ATRNL1: variants seen among roughly 807,000 people sequenced by gnomAD.
The protein encoded by ATRNL1 is attractin like 1.
ATRNL1 carries 95 observed loss-of-function variants against 182.7 expected under a neutral mutation model. The ratio of observed to expected loss-of-function variants is 0.52; its 90% CI spans 0.44 to 0.62. The LOEUF (loss-of-function observed/expected upper bound fraction) is 0.62, where lower values mean the gene tolerates loss of function less well. Among genes scored for constraint, ATRNL1 ranks in the 20% least tolerant of loss-of-function variants. ATRNL1 has a pLI of 0.00. For synonymous variants in ATRNL1, 576 were observed against 568.3 expected (o/e 1.01, Z -0.19); for missense variants, 1,471 against 1,679.5 (o/e 0.88, Z 2.17).
chr10:115,206,177 A>C (rs1020544624), intron 8 of ATRNL1, among the ~76,000 whole-genome samples: 2 of 152,138 alleles, frequency 1.3e-5, no homozygotes, highest in African/African-American at 4.8e-5. Context: ...ATAAAACCAT[A>C]GTCATTTAAA....
At chr10:115,348,982 T>A (rs1856104487) in intron 19 of ATRNL1, among the ~76,000 whole-genome samples, 2 of 152,198 alleles carry the variant, frequency 1.3e-5, no homozygotes, top group Admixed American at 1.3e-4. Flanking sequence ...TCTACTCTTC[T>A]GGATCTTTTG....
At chr10:115,150,785 A>G (rs1287537220) in intron 5 of ATRNL1, among the ~76,000 whole-genome samples, 1 of 152,062 alleles carries the variant, frequency 6.6e-6, no homozygotes, top group Admixed American at 6.6e-5. Context: ...CAGGTTTGTT[A>G]TATATGTATA....
At chr10:115,525,253 A>G (rs547829744) in intron 25 of ATRNL1, among the ~76,000 whole-genome samples, 2 of 152,284 alleles carry the variant, frequency 1.3e-5, no homozygotes, top group Admixed American at 6.5e-5. Context: ...TCAGAATACC[A>G]TGCCTTATTA....
At chr10:115,427,413 C>CAAAA (rs1554963145) in intron 21 of ATRNL1, among the ~76,000 whole-genome samples, 9 of 151,828 alleles carry the variant, frequency 5.9e-5, no homozygotes, top group African/African-American at 2.2e-4. Context: ...GGTAACTTGT[C>CAAAA]TTTTTATCTT....
chr10:115,322,012 C>T (rs782279401), intron 18 of ATRNL1, among the ~76,000 whole-genome samples: 1 of 151,974 alleles, frequency 6.6e-6, no homozygotes. Flanking sequence ...ATACCATTTA[C>T]AGTAGCTACA....
At chr10:115,166,309 A>G (rs1169414131) in intron 7 of ATRNL1, among the ~76,000 whole-genome samples, 1 of 152,072 alleles carries the variant, frequency 6.6e-6, no homozygotes, top group Non-Finnish European at 1.5e-5. Context: ...CCATCTGTTG[A>G]TGGACACTTA....
intron 9 of ATRNL1, among the ~76,000 whole-genome samples, chr10:115,234,659 C>T (rs1449397643): frequency 2.0e-5 from 3 of 147,100 alleles, no homozygotes; most frequent in East Asian, 2.0e-4. Flanking sequence ...GGTACGATCT[C>T]GGCTCACTGC....
intron 27 of ATRNL1, among the ~76,000 whole-genome samples, chr10:115,830,435 C>T (rs141229802): frequency 4.6e-5 from 7 of 152,196 alleles, no homozygotes; most frequent in African/African-American, 1.7e-4. Flanking sequence ...ATAGGCCATG[C>T]TCAATAAACA....
At chr10:115,467,054 A>G in intron 22 of ATRNL1, 120 bp from the exon 23 acceptor site, 1 of 607,112 alleles carries the variant, frequency 1.6e-6, no homozygotes, top group Non-Finnish European at 3.0e-6. Context: ...TATTCAGTTG[A>G]ATATTTACAA....
chr10:115,519,870 T>A (rs1242127377), intron 25 of ATRNL1, among the ~76,000 whole-genome samples: 2 of 152,124 alleles, frequency 1.3e-5, no homozygotes, highest in Non-Finnish European at 2.9e-5. Context: ...ACAAGAGAGG[T>A]TATAGTTTGT....
intron 19 of ATRNL1, among the ~76,000 whole-genome samples, chr10:115,348,831 G>C (rs185258154): frequency 8.9e-4 from 136 of 151,988 alleles, no homozygotes; most frequent in Non-Finnish European, 1.2e-3. Context: ...AAAATAATTG[G>C]ATATATAATA....
intron 5 of ATRNL1, among the ~76,000 whole-genome samples, chr10:115,139,115 A>C (rs1476751347): frequency 6.6e-6 from 1 of 152,170 alleles, no homozygotes; most frequent in East Asian, 1.9e-4. Context: ...CCTCATCTCC[A>C]TCTGAGACCA....
chr10:115,129,239 G>A (rs753527808), intron 4 of ATRNL1, 88 bp from the exon 5 acceptor site: 208 of 893,888 alleles, frequency 2.3e-4, no homozygotes, highest in Non-Finnish European at 3.3e-4. Flanking sequence ...ATAGGACACA[G>A]TATAAAAATT....
At chr10:115,640,954 T>C (rs1167815718) in intron 26 of ATRNL1, among the ~76,000 whole-genome samples, 2 of 152,136 alleles carry the variant, frequency 1.3e-5, no homozygotes, top group Admixed American at 6.6e-5. Context: ...TTGTATAAGG[T>C]GTAAGGAAGG....
intron 27 of ATRNL1, among the ~76,000 whole-genome samples, chr10:115,758,356 AGT>A (rs1379652521): frequency 3.8e-3 from 21 of 5,470 alleles, no homozygotes; most frequent in Middle Eastern, 0.5. Flanking sequence ...TCTGTTTGAT[AGT>A]TTTTTCCTTC....
chr10:115,320,101 C>A (rs1854508057), intron 18 of ATRNL1, among the ~76,000 whole-genome samples: 1 of 151,666 alleles, frequency 6.6e-6, no homozygotes, highest in Non-Finnish European at 1.5e-5. Flanking sequence ...GTAACAAAAT[C>A]CCTTAGCATT....
intron 26 of ATRNL1, among the ~76,000 whole-genome samples, chr10:115,578,530 G>A (rs186367536): frequency 1.4e-3 from 210 of 151,526 alleles, no homozygotes; most frequent in African/African-American, 4.6e-3. Flanking sequence ...CAATTTCTTG[G>A]CATGTAATTG....
intron 26 of ATRNL1, among the ~76,000 whole-genome samples, chr10:115,700,247 C>T (rs782464179): frequency 8.6e-5 from 13 of 151,868 alleles, no homozygotes; most frequent in Non-Finnish European, 1.6e-4. Flanking sequence ...GTTTTAAGTT[C>T]TTTGAGAAAT....
At chr10:115,263,997 G>A (rs970011437) in intron 10 of ATRNL1, among the ~76,000 whole-genome samples, 30 of 151,722 alleles carry the variant, frequency 2.0e-4, no homozygotes, top group African/African-American at 5.8e-4. Flanking sequence ...ACACTTTTTC[G>A]GGGGAGATTT....
Sources: allele counts gnomAD v4.1 joint callset (sites outside exome capture counted in the v4.1 genomes callset), GRCh38; gene constraint gnomAD v4.1.1; transcripts MANE v1.5; gene names NCBI Gene and HGNC (gene_info 2026-07-23, HGNC 2026-07-21).